GPLD1: variants seen among roughly 807,000 people sequenced by gnomAD.
GPLD1 encodes glycosylphosphatidylinositol specific phospholipase D1, also known as phosphatidylinositol-glycan-specific phospholipase D.
Under a neutral mutation model 112.6 loss-of-function variants are expected in GPLD1, and 84 were observed. The observed-to-expected ratio is 0.75, with a 90% confidence interval of 0.63 to 0.89. The LOEUF (loss-of-function observed/expected upper bound fraction) is 0.89. GPLD1 is among the 40% of genes least tolerant of loss of function. GPLD1 has a pLI of 0.00. For missense variants in GPLD1, 1,044 were observed against 1,051.5 expected (o/e 0.99, Z 0.10); for synonymous variants, 386 against 403.8 (o/e 0.96, Z 0.53).
chr6:24,467,541 T>C (rs181674062), intron 7 of GPLD1, among the ~76,000 whole-genome samples: 1 of 152,278 alleles, frequency 6.6e-6, no homozygotes, highest in Non-Finnish European at 1.5e-5. Context: ...GTAACTTAAA[T>C]CAAATATTTA....
At chr6:24,464,973 A>G (rs374620731) in intron 10 of GPLD1, among the ~76,000 whole-genome samples, 3 of 151,968 alleles carry the variant, frequency 2.0e-5, no homozygotes, top group African/African-American at 7.2e-5. Flanking sequence ...TGGGTGGATC[A>G]CTTGAGGTCA....
At position 24,456,589 on chromosome 6, in the gene GPLD1, T is replaced by C. The variant is rs371288805; in HGVS notation, c.1057A>G (p.Met353Val). Reference protein sequence around the residue: ...YKALERNIRTMFIGGSQLSQK... With the variant: ...YKALERNIRTVFIGGSQLSQK... ...GACAACTGAGAGCCACCTATGAACA[T>C]TGTCCTTATGTTCCTTTCCAAAGCC... is the stretch of plus-strand genomic sequence containing the variant. The change falls in exon 13 of 25, where the codon ATG becomes GTG. Residue 353 changes from methionine to valine, a missense_variant. Physicochemically the swap from Met to Val is conservative, Grantham distance 21 (BLOSUM62 1). Coordinates refer to ENST00000230036, the MANE Select transcript of GPLD1 (RefSeq NM_001503.4). 16 of 1,604,748 alleles carry C rather than the reference T, an allele frequency of 1.0e-5. No individual in the cohort carries two copies. The highest frequency in any genetic ancestry group is 3.3e-5 in the South Asian group (3 of 90,788).
rs3181759 is a variant in GPLD1 at position 24,437,207 on chromosome 6, C to T, written c.2103G>A (p.Ala701=). ...ATRMYALTSD[A]QPLLLSTFSG... Reference sequence around the variant, plus strand: ...TGAAGGTGCTGAGCAGCAGAGGCTGCGCGTCAGATGTGAGTGCGTACATGC... The same window carrying T: ...TGAAGGTGCTGAGCAGCAGAGGCTGTGCGTCAGATGTGAGTGCGTACATGC... Residue 701 remains alanine, a synonymous_variant, in exon 21 of 25, where the codon GCG becomes GCA. Coordinates refer to ENST00000230036, the MANE Select transcript of GPLD1 (RefSeq NM_001503.4). 49,321 of 1,613,998 alleles carry T rather than the reference C, an allele frequency of 0.031. 2,254 individuals carry two copies. The highest frequency in any genetic ancestry group is 0.22 in the African/African-American group (16,167 of 75,022).
intron 24 of GPLD1, 130 bp downstream of exon 24, chr6:24,433,057 T>A (rs1433928735): frequency 1.0e-5 from 8 of 762,922 alleles, no homozygotes; most frequent in Admixed American, 9.1e-5. Context: ...TATATGTGAA[T>A]GTTACTTTCT....
At chr6:24,452,485 C>T (rs367870990) in intron 14 of GPLD1, among the ~76,000 whole-genome samples, 20 of 152,130 alleles carry the variant, frequency 1.3e-4, no homozygotes, top group Admixed American at 4.6e-4. Flanking sequence ...TTTTTGAAAG[C>T]GTGTTCATGG....
intron 22 of GPLD1, 44 bp downstream of exon 22, chr6:24,436,532 G>T (rs2273605): frequency 1.3e-6 from 2 of 1,543,614 alleles, no homozygotes; most frequent in Admixed American, 3.3e-5. Context: ...TCAGCAATTA[G>T]TGATCCTTTC....
chr6:24,493,839 G>A (rs79015369), upstream of GPLD1, among the ~76,000 whole-genome samples: 129 of 152,330 alleles, frequency 8.5e-4, no homozygotes, highest in Middle Eastern at 3.4e-3. Context: ...GTGAAAGCTA[G>A]CAAGATACTC....
intron 3 of GPLD1, among the ~76,000 whole-genome samples, chr6:24,479,274 A>G (rs1764122641): frequency 6.6e-6 from 1 of 152,170 alleles, no homozygotes; most frequent in Non-Finnish European, 1.5e-5. Context: ...CTCAGTCTGT[A>G]AGAGAGAGAG....
downstream of GPLD1, chr6:24,425,756 G>C (rs537584954): frequency 5.3e-5 from 8 of 152,298 alleles, no homozygotes; most frequent in East Asian, 1.5e-3. Context: ...TCTTTGGAAG[G>C]CTCCTAAACA....
chr6:24,476,282 A>T lies in GPLD1; in HGVS notation c.233-4T>A, dbSNP rs1042702352. The T allele has an allele frequency of 1.4e-6, 2 of 1,468,896 alleles. No homozygotes were observed. 91.0% of individuals were successfully genotyped at this position (1,468,896 alleles called of 1,614,324 possible). ...TCAGACACATCATGGAATTTTCCTG[A>T]CAAAACAAAAGCAGGGCTCTAGATT... On this transcript the variant is annotated splice_region_variant and splice_polypyrimidine_tract_variant and intron_variant, in intron 3 of 24. Coordinates refer to ENST00000230036, the MANE Select transcript of GPLD1 (RefSeq NM_001503.4).
upstream of GPLD1, among the ~76,000 whole-genome samples, chr6:24,492,835 G>A (rs1468344383): frequency 6.6e-6 from 1 of 152,166 alleles, no homozygotes; most frequent in Non-Finnish European, 1.5e-5. Flanking sequence ...CTAAGCTCCA[G>A]GCGCTTTTGC....
chr6:24,486,988 C>T (rs1407269657), intron 1 of GPLD1, among the ~76,000 whole-genome samples: 3 of 152,148 alleles, frequency 2.0e-5, no homozygotes, highest in Non-Finnish European at 4.4e-5. Flanking sequence ...AACTACACCC[C>T]ACACCCACCC....
At chr6:24,439,494 A>G (rs974736561) in intron 20 of GPLD1, among the ~76,000 whole-genome samples, 2 of 152,220 alleles carry the variant, frequency 1.3e-5, no homozygotes, top group African/African-American at 4.8e-5. Context: ...AATCTCTAAC[A>G]CGCATCACAG....
rs1225404331 is a variant in GPLD1, at chr6:24,425,953, C to T, written c.*3079G>A. The T allele has an allele frequency of 6.6e-6, 1 of 152,114 alleles. No individual in the cohort carries two copies. Among genetic ancestry groups the T allele is most frequent in the East Asian group, 1.9e-4 (1 of 5,200 alleles). The allele number at this position is 152,114 out of a possible 1,614,324, so 9.4% of individuals were successfully genotyped here. ...TTAACTCTCATGACTTTAGTAATAC[C>T]TACAGAGGTGAGCTAATGGATGGTA... On this transcript the variant is annotated 3_prime_UTR_variant, in exon 25 of 25. Coordinates refer to ENST00000230036, the MANE Select transcript of GPLD1 (RefSeq NM_001503.4).
chr6:24,445,080 T>C (rs1037165827), intron 20 of GPLD1, among the ~76,000 whole-genome samples: 12 of 152,146 alleles, frequency 7.9e-5, no homozygotes, highest in Middle Eastern at 3.2e-3. Context: ...CAGGCTGGAG[T>C]GCAGTGGCAT....
intron 7 of GPLD1, among the ~76,000 whole-genome samples, chr6:24,468,560 TA>T (rs199889238): frequency 4.7e-5 from 7 of 149,124 alleles, no homozygotes; most frequent in African/African-American, 1.7e-4. Flanking sequence ...TTTTTATTTT[TA>T]TTTTTTTTTT....
chr6:24,471,062 G>A (rs1763800114), intron 7 of GPLD1, among the ~76,000 whole-genome samples: 1 of 152,142 alleles, frequency 6.6e-6, no homozygotes, highest in South Asian at 2.1e-4. Context: ...GAAAAAGAAG[G>A]ACTAGTTATA....
In GPLD1 at chr6:24,449,837, G is replaced by C; in HGVS notation, c.1398C>G (p.Asp466Glu). 1 of 1,613,892 alleles carries C rather than the reference G, an allele frequency of 6.2e-7. No individual in the cohort carries two copies. The highest frequency in any genetic ancestry group is 1.1e-5 in the South Asian group (1 of 91,066). ...VLDFNVDGVP[D>E]LAVGAPSVGS... Reference sequence around the variant, plus strand: ...CCACCGAGGGAGCTCCCACGGCCAGGTCAGGCACGCCGTCCACGTTAAAGT... The same window carrying C: ...CCACCGAGGGAGCTCCCACGGCCAGCTCAGGCACGCCGTCCACGTTAAAGT... The change falls in exon 15 of 25, where the codon GAC (aspartate) becomes GAG (glutamate). Residue 466 changes from aspartate to glutamate, a missense_variant. By Grantham distance (45) the Asp-to-Glu change is conservative (BLOSUM62 2). Coordinates refer to ENST00000230036, the MANE Select transcript of GPLD1 (RefSeq NM_001503.4).
chr6:24,486,121 G>A lies in GPLD1; in HGVS notation c.107C>T (p.Ala36Val). Residue 36 changes from alanine to valine, a missense_variant, in exon 2 of 25, where the codon GCT becomes GTT. Physicochemically the swap from Ala to Val is moderately conservative, Grantham distance 64. Transcript: ENST00000230036. ...ATTGTGAAGCTGAAGAAACTCCAGA[G>A]CTCTGTGTCCTGAGAGAAATAAATA... ...LSTHVEIGHRALEFLQLHNGR... is the reference protein window; with the variant it reads ...LSTHVEIGHRVLEFLQLHNGR... 2 of 1,577,908 alleles carry A rather than the reference G, an allele frequency of 1.3e-6. No homozygotes were observed. Among genetic ancestry groups the A allele is most frequent in the Non-Finnish European group, 1.7e-6 (2 of 1,149,046 alleles).
Sources: allele counts gnomAD v4.1 joint callset (sites outside exome capture counted in the v4.1 genomes callset), GRCh38; gene constraint gnomAD v4.1.1; transcripts MANE v1.5; gene names NCBI Gene and HGNC (gene_info 2026-07-23, HGNC 2026-07-21).